LINGO2: variants seen among roughly 807,000 people sequenced by gnomAD.
LINGO2 encodes the protein leucine-rich repeat and immunoglobulin-like domain-containing nogo receptor-interacting protein 2.
A neutral mutation model predicts 30.6 loss-of-function variants in LINGO2; 14 were observed. The observed-to-expected ratio is 0.46, with a 90% CI of 0.30 to 0.72. The LOEUF is 0.72. LINGO2 is among the 30% of genes least tolerant of loss of function. The pLI is 0.07. For missense variants in LINGO2, 729 were observed against 751.7 expected, an observed-to-expected ratio of 0.97 and a Z score of 0.35; for synonymous variants, 317 against 288.5, an observed-to-expected ratio of 1.10 and a Z score of -1.00.
At chr9:28,578,483 T>C (rs917488997) in intron 1 of LINGO2, among the ~76,000 whole-genome samples, 1 of 152,150 alleles carries the variant, frequency 6.6e-6, no homozygotes, top group Non-Finnish European at 1.5e-5. Context: ...TTATAGAAAG[T>C]TCTTTATTTT....
chr9:27,986,151 G>A (rs547782307), intron 5 of LINGO2, among the ~76,000 whole-genome samples: 31 of 151,192 alleles, frequency 2.1e-4, no homozygotes, highest in African/African-American at 7.3e-4. Context: ...CTTCTGGAGG[G>A]GGAACAGGAG....
At chr9:28,017,307 C>A (rs116088729) in intron 4 of LINGO2, among the ~76,000 whole-genome samples, 3,306 of 152,142 alleles carry the variant, frequency 0.022, 115 homozygotes, top group African/African-American at 0.075. Context: ...TTCACTACTC[C>A]TATGCAACAT....
At chr9:28,414,091 G>C (rs1822879150) in intron 2 of LINGO2, among the ~76,000 whole-genome samples, 2 of 152,048 alleles carry the variant, frequency 1.3e-5, no homozygotes, top group African/African-American at 2.4e-5. Context: ...TTTTTGACAA[G>C]TAAGTGAAAG....
the LINGO2 span, among the ~76,000 whole-genome samples, chr9:28,697,011 C>A: frequency 6.6e-6 from 1 of 151,816 alleles, no homozygotes; most frequent in African/African-American, 2.4e-5. Context: ...TCAAGGGAAT[C>A]CAAAAACTAA....
chr9:29,164,390 G>T, the LINGO2 span, among the ~76,000 whole-genome samples: 5 of 152,244 alleles, frequency 3.3e-5, no homozygotes, highest in African/African-American at 1.2e-4. Context: ...CTACAAGCAT[G>T]AAATAAAATA....
chr9:29,021,718 AAG>A, the LINGO2 span, among the ~76,000 whole-genome samples: 1 of 150,678 alleles, frequency 6.6e-6, no homozygotes, highest in African/African-American at 2.4e-5. Context: ...GGAAGGAAGG[AAG>A]GAAGGAAGGA....
chr9:28,067,479 C>A (rs1368734736), intron 4 of LINGO2, among the ~76,000 whole-genome samples: 1 of 151,970 alleles, frequency 6.6e-6, no homozygotes, highest in Non-Finnish European at 1.5e-5. Context: ...GGAAGAGTTC[C>A]ATATCTGGAG....
At chr9:29,002,800 G>T in the LINGO2 span, among the ~76,000 whole-genome samples, 2 of 151,890 alleles carry the variant, frequency 1.3e-5, no homozygotes, top group Non-Finnish European at 2.9e-5. Context: ...TGTAATTATT[G>T]TGTAGTGTCC....
At chr9:29,211,216 G>GA in the LINGO2 span, among the ~76,000 whole-genome samples, 1 of 152,076 alleles carries the variant, frequency 6.6e-6, no homozygotes, top group Non-Finnish European at 1.5e-5. Context: ...ACAGCACGCT[G>GA]AAAAATACAT....
chr9:28,074,941 T>C (rs1825581273), intron 4 of LINGO2, among the ~76,000 whole-genome samples: 1 of 151,186 alleles, frequency 6.6e-6, no homozygotes, highest in Admixed American at 6.6e-5. Flanking sequence ...TTTTGTATTA[T>C]ACAATATTTT....
chr9:29,061,821 T>C, the LINGO2 span, among the ~76,000 whole-genome samples: 1 of 151,974 alleles, frequency 6.6e-6, no homozygotes, highest in Non-Finnish European at 1.5e-5. Context: ...CAAAGACAGA[T>C]AAACTGGACT....
chr9:28,066,416 G>A lies in LINGO2; in HGVS notation c.-86-54011C>T, dbSNP rs77573011. ...TGGCACCAAAGAAATCACAGAATGA[G>A]ACCATGATCTCATGCTTAGAGAAAA... On this transcript the variant is annotated intron_variant, in intron 4 of 5. Coordinates refer to ENST00000379992, the Ensembl canonical transcript of LINGO2. 1.6e-3 allele frequency among the ~76,000 whole-genome samples: 246 copies of A among 152,202 alleles called. 6 individuals are homozygous for A. The East Asian group carries it at 0.04, about 25-fold the overall frequency.
chr9:28,576,073 A>T (rs1823970496), intron 1 of LINGO2, among the ~76,000 whole-genome samples: 2 of 152,178 alleles, frequency 1.3e-5, no homozygotes, highest in African/African-American at 4.8e-5. Flanking sequence ...TAGATTAAAT[A>T]CACCTGAACT....
downstream of LINGO2, chr9:27,943,271 T>C (rs990632918): frequency 2.6e-5 from 4 of 152,174 alleles, no homozygotes; most frequent in Non-Finnish European, 5.9e-5. Flanking sequence ...GGCTGACCCA[T>C]CTTCAGTATG....
chr9:28,414,489 G>A (rs1210175780), intron 2 of LINGO2, among the ~76,000 whole-genome samples: 1 of 152,076 alleles, frequency 6.6e-6, no homozygotes, highest in East Asian at 1.9e-4. Flanking sequence ...GCTGATATTT[G>A]CCAATCATTT....
the LINGO2 span, among the ~76,000 whole-genome samples, chr9:28,721,238 G>A: frequency 1.3e-5 from 2 of 152,108 alleles, no homozygotes; most frequent in African/African-American, 4.8e-5. Flanking sequence ...AGCCATTGTG[G>A]AAGACAGTGT....
chr9:28,953,144 C>G, the LINGO2 span, among the ~76,000 whole-genome samples: 5 of 152,064 alleles, frequency 3.3e-5, no homozygotes, highest in Non-Finnish European at 2.9e-5. Flanking sequence ...TGGTCTGAGA[C>G]TATTGGTTCA....
the LINGO2 span, among the ~76,000 whole-genome samples, chr9:28,777,319 AGAAACTT>A: frequency 6.6e-6 from 1 of 152,220 alleles, no homozygotes; most frequent in Admixed American, 6.5e-5. Flanking sequence ...AGGGAGGCAT[AGAAACTT>A]GAAACAATAC....
At chr9:28,791,929 T>C in the LINGO2 span, among the ~76,000 whole-genome samples, 1 of 151,618 alleles carries the variant, frequency 6.6e-6, no homozygotes, top group Admixed American at 6.6e-5. Context: ...GAAAAATATA[T>C]ATGATATATA....
Sources: gnomAD v4.1 joint callset for allele counts (sites outside exome capture counted in the v4.1 genomes callset) on GRCh38, gnomAD v4.1.1 for gene constraint, MANE v1.5 for transcripts, NCBI Gene and HGNC (gene_info 2026-07-23, HGNC 2026-07-21) for gene names.